The following IQCM variants were observed in gnomAD, a reference collection of about 807,000 sequenced individuals.
IQCM encodes the protein IQ domain-containing protein M.
IQCM carries 45 observed loss-of-function variants against 57.6 expected under a neutral mutation model. That is an observed-to-expected ratio of 0.78 (90% CI 0.62 to 1.00). IQCM has a LOEUF of 1.00. Ranked by LOEUF, IQCM falls within the 50% of genes least tolerant of loss-of-function variation. IQCM has a pLI of 0.00. For synonymous variants in IQCM, 148 were observed against 158.9 expected, an observed-to-expected ratio of 0.93 and a Z score of 0.51; for missense variants, 468 against 511.6, an observed-to-expected ratio of 0.91 and a Z score of 0.82.
intron 2 of IQCM, among the ~76,000 whole-genome samples, chr4:149,785,384 A>T (rs570235771): frequency 6.6e-6 from 1 of 152,320 alleles, no homozygotes; most frequent in African/African-American, 2.4e-5. Context: ...AAATGTATAA[A>T]ATAAGGAACT....
rs546902659 is a variant in IQCM at position 149,462,884 on chromosome 4, T to C, written c.1229-29327A>G. 3.9e-5 allele frequency among the ~76,000 whole-genome samples: 6 copies of C among 152,298 alleles called. No homozygotes were observed. In the East Asian group the frequency reaches 1.2e-3, roughly 29 times the overall value. ...TGCAGGAGAACATACAAATCTGAGC[T>C]GCAGAGAATGATTAGGCAATGAACA... is the stretch of plus-strand genomic sequence containing the variant. On this transcript the variant is annotated intron_variant, in intron 12 of 13. Transcript: ENST00000636793.
intron 13 of IQCM, among the ~76,000 whole-genome samples, chr4:149,379,819 G>C (rs1730953628): frequency 6.6e-6 from 1 of 152,130 alleles, no homozygotes; most frequent in Admixed American, 6.6e-5. Flanking sequence ...GCCAAGTGTG[G>C]AATCATAGGG....
intron 12 of IQCM, among the ~76,000 whole-genome samples, chr4:149,537,160 A>G (rs1189801045): frequency 6.6e-6 from 1 of 152,020 alleles, no homozygotes; most frequent in Non-Finnish European, 1.5e-5. Context: ...TTAACAGACA[A>G]AGAACTCAAA....
chr4:149,355,967 T>C (rs1293108712), intron 13 of IQCM, among the ~76,000 whole-genome samples: 1 of 152,158 alleles, frequency 6.6e-6, no homozygotes, highest in Admixed American at 6.5e-5. Context: ...CTCACTGTGG[T>C]TTTGATTTGC....
chr4:149,668,482 G>A (rs1760938880), intron 7 of IQCM, among the ~76,000 whole-genome samples: 1 of 152,096 alleles, frequency 6.6e-6, no homozygotes, highest in South Asian at 2.1e-4. Context: ...ATACCACAAT[G>A]TAAAGACCAT....
chr4:149,610,933 G>T (rs1579691379), intron 8 of IQCM, among the ~76,000 whole-genome samples: 1 of 152,110 alleles, frequency 6.6e-6, no homozygotes, highest in Middle Eastern at 3.4e-3. Flanking sequence ...GACAGCCAAC[G>T]AATGGGGGAA....
chr4:149,531,264 C>A (rs1484006452), intron 12 of IQCM, among the ~76,000 whole-genome samples: 1 of 152,154 alleles, frequency 6.6e-6, no homozygotes, highest in East Asian at 1.9e-4. Flanking sequence ...TCTTAAGCAT[C>A]TGTATGGTAC....
chr4:149,643,686 A>G (rs1241373273), intron 7 of IQCM, among the ~76,000 whole-genome samples: 2 of 152,202 alleles, frequency 1.3e-5, no homozygotes, highest in Non-Finnish European at 2.9e-5. Flanking sequence ...GTCAAAACCC[A>G]GAAGTTGCCA....
chr4:149,736,534 CTA>C (rs1766961403), intron 3 of IQCM, among the ~76,000 whole-genome samples: 2 of 152,170 alleles, frequency 1.3e-5, no homozygotes, highest in African/African-American at 4.8e-5. Context: ...TTTTATAACT[CTA>C]TCTCTATTAG....
chr4:149,568,355 T>TG (rs1222333960), intron 9 of IQCM, among the ~76,000 whole-genome samples: 1 of 152,210 alleles, frequency 6.6e-6, no homozygotes, highest in African/African-American at 2.4e-5. Context: ...TCATGATCCT[T>TG]GACCTTGTTA....
chr4:149,497,110 T>C (rs189999123), intron 12 of IQCM, among the ~76,000 whole-genome samples: 182 of 152,206 alleles, frequency 1.2e-3, no homozygotes, highest in African/African-American at 4.1e-3. Context: ...TTCTTTAATG[T>C]ATGGGGCAGG....
intron 13 of IQCM, among the ~76,000 whole-genome samples, chr4:149,355,140 T>C (rs1205897539): frequency 3.3e-5 from 5 of 152,162 alleles, no homozygotes; most frequent in Non-Finnish European, 5.9e-5. Context: ...GCAATTATAA[T>C]ATTATTATTT....
At chr4:149,424,421 T>C (rs1388198679) in intron 13 of IQCM, among the ~76,000 whole-genome samples, 3 of 149,544 alleles carry the variant, frequency 2.0e-5, no homozygotes, top group African/African-American at 7.3e-5. Flanking sequence ...GCATAACATA[T>C]GGAATTTCAG....
At chr4:149,617,085 A>G (rs186192466) in intron 8 of IQCM, among the ~76,000 whole-genome samples, 2 of 151,676 alleles carry the variant, frequency 1.3e-5, no homozygotes, top group Admixed American at 1.3e-4. Context: ...CCTCCCGAGT[A>G]GCTGGGATTA....
rs150328151 is a variant in IQCM at position 149,713,280 on chromosome 4, C to T, written c.385+19964G>A. ...ACCCTCCCTTGCCACCTTCACACCT[C>T]AGGCAGCTTAAATTCCAAGGTCAAT... On this transcript the variant is annotated intron_variant, in intron 5 of 13. Transcript: ENST00000636793. 1.8e-3 allele frequency among the ~76,000 whole-genome samples: 269 copies of T among 152,308 alleles called. 1 individual carries two copies. Among genetic ancestry groups the T allele is most frequent in the African/African-American group, 6.0e-3 (248 of 41,576 alleles).
chr4:149,801,963 T>C (rs1436775681), intron 2 of IQCM, among the ~76,000 whole-genome samples: 1 of 151,936 alleles, frequency 6.6e-6, no homozygotes, highest in East Asian at 1.9e-4. Flanking sequence ...GATGTAATTA[T>C]TATGCATTGC....
At chr4:149,439,529 G>A (rs1214108578) in intron 12 of IQCM, among the ~76,000 whole-genome samples, 1 of 151,872 alleles carries the variant, frequency 6.6e-6, no homozygotes, top group African/African-American at 2.4e-5. Context: ...TCCTTAGGAG[G>A]AGCATTTTCT....
At chr4:149,591,976 G>A (rs1579613120) in intron 8 of IQCM, among the ~76,000 whole-genome samples, 2 of 152,134 alleles carry the variant, frequency 1.3e-5, no homozygotes, top group African/African-American at 4.8e-5. Flanking sequence ...CCAGTAACGG[G>A]ATGGCTGGGT....
intron 12 of IQCM, among the ~76,000 whole-genome samples, chr4:149,469,768 G>T (rs367956572): frequency 2.3e-4 from 35 of 152,286 alleles, no homozygotes; most frequent in East Asian, 1.4e-3. Context: ...GACTAACAGC[G>T]GATCTCTCGG....
Sources: gnomAD v4.1 joint callset for allele counts (sites outside exome capture counted in the v4.1 genomes callset) on GRCh38, gnomAD v4.1.1 for gene constraint, MANE v1.5 for transcripts, NCBI Gene and HGNC (gene_info 2026-07-23, HGNC 2026-07-21) for gene names.